Variants in CSMD1 observed in about 807,000 individuals in gnomAD.
CSMD1 encodes the protein CUB and sushi domain-containing protein 1.
CSMD1 carries 213 observed loss-of-function variants against 417.5 expected under a neutral mutation model. That is an observed-to-expected ratio of 0.51 (90% CI 0.46 to 0.57). CSMD1 has a LOEUF of 0.57. CSMD1 is among the 20% of genes least tolerant of loss of function. The pLI, the probability that CSMD1 is intolerant of heterozygous loss-of-function variation, is 0.00. For synonymous variants in CSMD1, 2,862 were observed against 1,736.8 expected (o/e 1.65, Z -16.11); for missense variants, 6,923 against 4,529.7 (o/e 1.53, Z -15.17).
chr8:3,852,921 C>T (rs984597477), intron 5 of CSMD1, among the ~76,000 whole-genome samples: 4 of 152,164 alleles, frequency 2.6e-5, no homozygotes, highest in Non-Finnish European at 5.9e-5. Context: ...TTATCTTGAT[C>T]CCACCTTCCT....
At chr8:4,053,833 C>G (rs2554533) in intron 3 of CSMD1, among the ~76,000 whole-genome samples, 1 of 152,052 alleles carries the variant, frequency 6.6e-6, no homozygotes, top group African/African-American at 2.4e-5. Flanking sequence ...TGTTCAGTAG[C>G]TTTTACTAGT....
chr8:3,572,766 A>G lies in CSMD1; in HGVS notation c.1344+2179T>C, dbSNP rs1258913526. ...AATATTTGCTTTTATTTGAGCCCCT[A>G]TGGAAATGCATGTAATCTATTTACT... is the stretch of plus-strand genomic sequence containing the variant. On this transcript the variant is annotated intron_variant, in intron 10 of 69. Transcript: ENST00000635120. 3.3e-5 allele frequency among the ~76,000 whole-genome samples: 5 copies of G among 152,126 alleles called. No individual in the cohort carries two copies. In the East Asian group the frequency reaches 7.7e-4, roughly 23 times the overall value.
At chr8:3,831,316 C>T (rs991653902) in intron 5 of CSMD1, among the ~76,000 whole-genome samples, 2 of 152,116 alleles carry the variant, frequency 1.3e-5, no homozygotes, top group South Asian at 2.1e-4. Flanking sequence ...TGTTGCATTT[C>T]GGACAGCTCC....
At chr8:3,616,625 C>T in intron 8 of CSMD1, 85 bp downstream of exon 8, 2 of 859,634 alleles carry the variant, frequency 2.3e-6, no homozygotes, top group South Asian at 1.5e-5. Flanking sequence ...CTCAAAAGAA[C>T]AAAAGAGTTA....
chr8:4,702,896 A>G (rs183754174), intron 1 of CSMD1, among the ~76,000 whole-genome samples: 47 of 152,210 alleles, frequency 3.1e-4, no homozygotes, highest in African/African-American at 1.0e-3. Flanking sequence ...AAAGTTAATT[A>G]TGAATTTTCA....
intron 3 of CSMD1, among the ~76,000 whole-genome samples, chr8:4,319,105 C>A (rs946374045): frequency 2.6e-5 from 4 of 152,000 alleles, no homozygotes; most frequent in Non-Finnish European, 5.9e-5. Context: ...CACATAGTAA[C>A]AAAGTAAGGA....
intron 1 of CSMD1, among the ~76,000 whole-genome samples, chr8:4,816,404 G>C (rs1265138495): frequency 6.6e-6 from 1 of 151,886 alleles, no homozygotes; most frequent in Non-Finnish European, 1.5e-5. Flanking sequence ...GCACTGTGGG[G>C]TGGTGGAGTG....
intron 7 of CSMD1, among the ~76,000 whole-genome samples, chr8:3,626,477 C>T (rs1796499121): frequency 6.6e-6 from 1 of 151,858 alleles, no homozygotes; most frequent in Admixed American, 6.6e-5. Flanking sequence ...GTCTTAAAGT[C>T]GTTATATATT....
At chr8:4,728,949 G>T (rs1809658596) in intron 1 of CSMD1, among the ~76,000 whole-genome samples, 1 of 152,210 alleles carries the variant, frequency 6.6e-6, no homozygotes, top group South Asian at 2.1e-4. Context: ...AGACGTCCAT[G>T]TGGAGATAGA....
At chr8:3,440,681 T>G (rs1356219802) in intron 12 of CSMD1, among the ~76,000 whole-genome samples, 1 of 152,230 alleles carries the variant, frequency 6.6e-6, no homozygotes, top group Non-Finnish European at 1.5e-5. Context: ...CTTCCAGCAC[T>G]ATACTGAATG....
intron 3 of CSMD1, among the ~76,000 whole-genome samples, chr8:4,229,769 C>G (rs1446797275): frequency 1.3e-5 from 2 of 152,144 alleles, no homozygotes; most frequent in African/African-American, 2.4e-5. Context: ...CACAATGCGA[C>G]CCACTAAGTG....
intron 52 of CSMD1, among the ~76,000 whole-genome samples, chr8:3,004,800 A>G (rs1807732622): frequency 6.6e-6 from 1 of 152,204 alleles, no homozygotes; most frequent in Non-Finnish European, 1.5e-5. Context: ...GGTCTGCTCC[A>G]GTGACTCCGT....
intron 23 of CSMD1, among the ~76,000 whole-genome samples, chr8:3,328,742 G>C (rs994964654): frequency 1.3e-5 from 2 of 152,132 alleles, no homozygotes; most frequent in African/African-American, 4.8e-5. Flanking sequence ...AAAAAACAAA[G>C]AGAAAAATCT....
intron 5 of CSMD1, among the ~76,000 whole-genome samples, chr8:3,805,028 C>A (rs1041418102): frequency 2.6e-5 from 4 of 152,124 alleles, no homozygotes; most frequent in African/African-American, 9.7e-5. Flanking sequence ...CCTGGTTGGT[C>A]ATATTCACAC....
chr8:3,803,797 C>A (rs541099173), intron 5 of CSMD1, among the ~76,000 whole-genome samples: 1 of 152,276 alleles, frequency 6.6e-6, no homozygotes, highest in South Asian at 2.1e-4. Flanking sequence ...TATCTTTCTG[C>A]CTACTATGTG....
chr8:4,111,685 C>T (rs1243372382), intron 3 of CSMD1, among the ~76,000 whole-genome samples: 1 of 152,084 alleles, frequency 6.6e-6, no homozygotes, highest in Non-Finnish European at 1.5e-5. Context: ...AGACAAACAC[C>T]ACATGTTCTC....
chr8:3,909,767 A>G (rs568208172), intron 5 of CSMD1, among the ~76,000 whole-genome samples: 4 of 152,272 alleles, frequency 2.6e-5, no homozygotes, highest in Non-Finnish European at 5.9e-5. Context: ...AGCTAATACG[A>G]ACTCGACAAA....
At position 2,965,875 on chromosome 8, in the gene CSMD1, G is replaced by T. The variant is rs1297082686; in HGVS notation, c.9180C>A (p.Ser3060Arg). The T allele has an allele frequency of 6.2e-7, 1 of 1,610,398 alleles. No homozygotes were observed. The highest frequency in any genetic ancestry group is 1.7e-5 in the Admixed American group (1 of 59,638). ...GTDFTFNKTVSYQCNPGYVME... is the reference protein window; with the variant it reads ...GTDFTFNKTVRYQCNPGYVME... ...TGACATAGCCTGGGTTACACTGATA[G>T]CTCACAGTCTTGTTGAAGGTGAAGT... Residue 3060 changes from serine (S) to arginine (R), a missense_variant, in exon 59 of 70, where the codon AGC becomes AGA. Transcript: ENST00000635120.
chr8:3,784,568 A>G (rs1350283907), intron 5 of CSMD1, among the ~76,000 whole-genome samples: 1 of 152,226 alleles, frequency 6.6e-6, no homozygotes, highest in Admixed American at 6.5e-5. Context: ...TGAATATTTA[A>G]ATTTCTAATT....
Sources: gnomAD v4.1 joint callset for allele counts (sites outside exome capture counted in the v4.1 genomes callset) on GRCh38, gnomAD v4.1.1 for gene constraint, MANE v1.5 for transcripts, NCBI Gene and HGNC (gene_info 2026-07-23, HGNC 2026-07-21) for gene names.